NFIA: variants seen among roughly 807,000 people sequenced by gnomAD.
NFIA encodes the protein nuclear factor 1 A-type.
NFIA carries 8 observed loss-of-function variants against 62.8 expected under a neutral mutation model. The ratio of observed to expected loss-of-function variants is 0.13; its 90% confidence interval spans 0.07 to 0.23. The LOEUF is 0.23. Ranked by LOEUF, NFIA falls within the 10% of genes least tolerant of loss-of-function variation. The probability of loss-of-function intolerance (pLI) is 1.00; values close to 1 mark genes in which losing one functional copy is unlikely to be tolerated. For synonymous variants in NFIA, 235 were observed against 238.1 expected (o/e 0.99, Z 0.12); for missense variants, 410 against 642.1 (o/e 0.64, Z 3.91).
At chr1:61,214,221 G>T (rs1316321715) in intron 2 of NFIA, among the ~76,000 whole-genome samples, 4 of 152,066 alleles carry the variant, frequency 2.6e-5, no homozygotes, top group Admixed American at 2.6e-4. Flanking sequence ...TCAGGAGGGG[G>T]CCCACTCTTT....
chr1:61,299,354 C>A (rs754779807), intron 3 of NFIA, among the ~76,000 whole-genome samples: 2 of 152,148 alleles, frequency 1.3e-5, no homozygotes, highest in African/African-American at 2.4e-5. Context: ...TGATCTGGGT[C>A]TGTCTTAGGC....
intron 3 of NFIA, among the ~76,000 whole-genome samples, chr1:61,326,865 A>G (rs891277652): frequency 2.0e-5 from 3 of 152,016 alleles, no homozygotes; most frequent in African/African-American, 7.2e-5. Context: ...ATGGCAGTGA[A>G]GCAGTGCAAC....
chr1:61,161,140 C>T (rs1446419243), intron 2 of NFIA, among the ~76,000 whole-genome samples: 1 of 152,206 alleles, frequency 6.6e-6, no homozygotes, highest in African/African-American at 2.4e-5. Context: ...GTCTCGAACT[C>T]CTGACCTCAA....
rs879156791 is a variant in NFIA, at chr1:61,082,654, ATTT to A, written c.-131_-129del. 1 of 1,503,572 alleles carries A rather than the reference ATTT, an allele frequency of 6.7e-7. No individual in the cohort carries two copies. The highest frequency in any genetic ancestry group is 1.4e-5 in the African/African-American group (1 of 70,296). 93.1% of individuals were successfully genotyped at this position (1,503,572 alleles called of 1,614,324 possible). ...AATGTGAACGCAAGAAGCAGGCTTG[ATTT>A]TTTTTTCTCCCCCCTTCTCTCTCTC... On this transcript the variant is annotated 5_prime_UTR_variant, in exon 1 of 11. Coordinates refer to ENST00000403491, the MANE Select transcript of NFIA (RefSeq NM_001134673.4).
chr1:61,080,451 C>G (rs1646081867), upstream of NFIA, among the ~76,000 whole-genome samples: 1 of 152,144 alleles, frequency 6.6e-6, no homozygotes, highest in South Asian at 2.1e-4. Flanking sequence ...AGAGAGCTTC[C>G]CGAGTACACA....
At chr1:61,230,313 T>A (rs1297125146) in intron 2 of NFIA, among the ~76,000 whole-genome samples, 1 of 152,192 alleles carries the variant, frequency 6.6e-6, no homozygotes, top group East Asian at 1.9e-4. Context: ...TGGAAAGACC[T>A]ACTGTGAAGT....
chr1:61,260,726 G>A (rs185951912), intron 2 of NFIA, among the ~76,000 whole-genome samples: 139 of 152,142 alleles, frequency 9.1e-4, no homozygotes, highest in African/African-American at 3.3e-3. Context: ...GACTACAGGC[G>A]CCCACCACCA....
rs770636142 is a variant in NFIA, at chr1:61,277,603, C to T, written c.625+18C>T. ...AGAAAATGGTAAGTTTAGCTTGGGACTCTAGCTGCTGCTTTCAGAGTCCAC... is the reference window on the plus strand; with the variant it reads ...AGAAAATGGTAAGTTTAGCTTGGGATTCTAGCTGCTGCTTTCAGAGTCCAC... On this transcript the variant is annotated intron_variant, in intron 3 of 10. Transcript: ENST00000403491. 1.9e-6 allele frequency: 3 copies of T among 1,613,166 alleles called. No individual in the cohort carries two copies. The East Asian group carries it at 6.7e-5, about 36-fold the overall frequency.
intron 2 of NFIA, among the ~76,000 whole-genome samples, chr1:61,212,487 G>T (rs904217436): frequency 6.6e-6 from 1 of 152,094 alleles, no homozygotes; most frequent in Non-Finnish European, 1.5e-5. Flanking sequence ...AAAGCTTTTT[G>T]AATAATTGAA....
intron 7 of NFIA, among the ~76,000 whole-genome samples, chr1:61,396,561 G>A (rs1014650999): frequency 2.0e-5 from 3 of 152,148 alleles, no homozygotes; most frequent in African/African-American, 7.2e-5. Context: ...AGTATTTCTA[G>A]TAGTCAATAT....
chr1:61,227,765 CT>C (rs1213523898), intron 2 of NFIA, among the ~76,000 whole-genome samples: 3 of 152,094 alleles, frequency 2.0e-5, no homozygotes, highest in African/African-American at 7.2e-5. Context: ...GTAAATAAAA[CT>C]TCAGATTAGA....
chr1:61,318,825 G>A (rs1660511288), intron 3 of NFIA, among the ~76,000 whole-genome samples: 1 of 152,072 alleles, frequency 6.6e-6, no homozygotes, highest in Non-Finnish European at 1.5e-5. Flanking sequence ...CCCGACTCAA[G>A]GTATTTGCAT....
chr1:61,207,920 G>T (rs951574316), intron 2 of NFIA, among the ~76,000 whole-genome samples: 6 of 150,928 alleles, frequency 4.0e-5, no homozygotes, highest in African/African-American at 1.5e-4. Context: ...GGAATGAGGA[G>T]TGAAAGGAGT....
At chr1:61,120,898 C>T (rs994495259) in intron 2 of NFIA, among the ~76,000 whole-genome samples, 18 of 152,158 alleles carry the variant, frequency 1.2e-4, no homozygotes, top group African/African-American at 3.6e-4. Context: ...AACTTGAACA[C>T]GGCCATACTT....
At chr1:61,432,620 C>CGT (rs1667148717) in intron 10 of NFIA, among the ~76,000 whole-genome samples, 9 of 48,668 alleles carry the variant, frequency 1.8e-4, no homozygotes, top group African/African-American at 6.9e-4. Flanking sequence ...TACACACACA[C>CGT]ACACGTACAC....
rs1284804650 is a variant in NFIA, at chr1:61,159,618, T to C, written c.559+70938T>C. On this transcript the variant is annotated intron_variant, in intron 2 of 10. Transcript: ENST00000403491. ...TTTCCTAATCTATAAAATTGGGATATTAATCTTTGTTCTGCCTACCTCATT... is the reference window on the plus strand; with the variant it reads ...TTTCCTAATCTATAAAATTGGGATACTAATCTTTGTTCTGCCTACCTCATT... 2.6e-5 allele frequency among the ~76,000 whole-genome samples: 4 copies of C among 152,066 alleles called. No individual in the cohort carries two copies. The East Asian group carries it at 7.7e-4, about 29-fold the overall frequency.
chr1:61,086,160 G>A lies in NFIA; in HGVS notation c.28-1989G>A, dbSNP rs138322994. Among the ~76,000 whole-genome samples, 546 of 152,212 alleles carry A rather than the reference G, an allele frequency of 3.6e-3. 3 individuals carry two copies. The highest frequency in any genetic ancestry group is 0.014 in the Middle Eastern group (4 of 294). ...GGTGAAAGCTCACTTGGTAGTTTAA[G>A]GTAGACTCCAGGAGTTTTTTGCATA... On this transcript the variant is annotated intron_variant, in intron 1 of 10. Coordinates refer to ENST00000403491, the MANE Select transcript of NFIA (RefSeq NM_001134673.4).
chr1:61,077,643 T>C (rs1448028717), upstream of NFIA: 2 of 1,413,716 alleles, frequency 1.4e-6, no homozygotes, highest in Non-Finnish European at 1.9e-6. Flanking sequence ...GTGGTACATC[T>C]TAAACTTTCT....
intron 10 of NFIA, among the ~76,000 whole-genome samples, chr1:61,447,381 T>A (rs780992023): frequency 7.2e-5 from 11 of 152,212 alleles, no homozygotes; most frequent in African/African-American, 9.6e-5. Context: ...TTTATCTTGC[T>A]CTTATGCGAT....
Sources: gnomAD v4.1 joint callset for allele counts (sites outside exome capture counted in the v4.1 genomes callset) on GRCh38, gnomAD v4.1.1 for gene constraint, MANE v1.5 for transcripts, NCBI Gene and HGNC (gene_info 2026-07-23, HGNC 2026-07-21) for gene names.